Variants in TCERG1L observed in about 807,000 individuals in gnomAD.
TCERG1L encodes transcription elongation regulator 1-like protein.
Under a neutral mutation model 56.3 loss-of-function variants are expected in TCERG1L, and 37 were observed. The ratio of observed to expected loss-of-function variants is 0.66; its 90% CI spans 0.51 to 0.87. TCERG1L has a LOEUF of 0.87. Among genes scored for constraint, TCERG1L ranks in the 40% least tolerant of loss-of-function variants. TCERG1L has a pLI of 0.00. For synonymous variants in TCERG1L, 324 were observed against 326.3 expected (o/e 0.99, Z 0.08); for missense variants, 799 against 774.2 (o/e 1.03, Z -0.38).
chr10:131,096,428 A>T (rs1164455019), intron 11 of TCERG1L, among the ~76,000 whole-genome samples: 3 of 137,138 alleles, frequency 2.2e-5, no homozygotes. Flanking sequence ...TGTGATGAAG[A>T]TAATTCATGC....
At chr10:131,132,334 G>A (rs1025687380) in intron 8 of TCERG1L, among the ~76,000 whole-genome samples, 4 of 152,204 alleles carry the variant, frequency 2.6e-5, no homozygotes, top group South Asian at 2.1e-4. Flanking sequence ...CTGCCAAAAC[G>A]GAGGCAGCTC....
chr10:131,144,684 G>A (rs1845775820), intron 7 of TCERG1L, among the ~76,000 whole-genome samples: 1 of 152,140 alleles, frequency 6.6e-6, no homozygotes, highest in Non-Finnish European at 1.5e-5. Flanking sequence ...ATTTTGTAAT[G>A]TCTAAGTAGA....
At chr10:131,153,512 T>C (rs1044510243) in intron 6 of TCERG1L, among the ~76,000 whole-genome samples, 23 of 152,310 alleles carry the variant, frequency 1.5e-4, no homozygotes, top group Middle Eastern at 6.8e-3. Flanking sequence ...ATTTTCTCAT[T>C]GACTTTCTGA....
Position 131,115,751 on chromosome 10 carries a change from T to C in TCERG1L, c.1395+1048A>G, listed in dbSNP as rs147445630. 3.9e-4 allele frequency among the ~76,000 whole-genome samples: 59 copies of C among 152,208 alleles called. 1 individual carries two copies. The East Asian group carries it at 0.01, about 27-fold the overall frequency. ...TGGGTGGGACCAGCTCCTTCCTCCATAAAATTCCTAAGGGGTAGGACCTGC... is the reference window on the plus strand; with the variant it reads ...TGGGTGGGACCAGCTCCTTCCTCCACAAAATTCCTAAGGGGTAGGACCTGC... On this transcript the variant is annotated intron_variant, in intron 9 of 11. Transcript: ENST00000368642.
At chr10:131,283,968 C>G (rs955719673) in intron 3 of TCERG1L, among the ~76,000 whole-genome samples, 1 of 151,750 alleles carries the variant, frequency 6.6e-6, no homozygotes, top group African/African-American at 2.4e-5. Flanking sequence ...ACTAAAAATT[C>G]AAAAATTAGC....
At chr10:131,194,835 C>G (rs1845340353) in intron 4 of TCERG1L, among the ~76,000 whole-genome samples, 1 of 152,192 alleles carries the variant, frequency 6.6e-6, no homozygotes, top group Non-Finnish European at 1.5e-5. Flanking sequence ...CTACGGATAT[C>G]TGAGTCCCGG....
intron 3 of TCERG1L, among the ~76,000 whole-genome samples, chr10:131,301,714 CAA>C (rs960491376): frequency 2.6e-5 from 4 of 150,982 alleles, no homozygotes; most frequent in Middle Eastern, 6.8e-3. Context: ...TGAACACATT[CAA>C]AATAACCATA....
chr10:131,117,797 G>A (rs887213698), intron 8 of TCERG1L, among the ~76,000 whole-genome samples: 1 of 152,198 alleles, frequency 6.6e-6, no homozygotes, highest in Non-Finnish European at 1.5e-5. Context: ...TATTTTAACT[G>A]CACGTGGATA....
intron 4 of TCERG1L, among the ~76,000 whole-genome samples, chr10:131,183,171 C>T (rs927886878): frequency 2.0e-5 from 3 of 152,124 alleles, no homozygotes; most frequent in Non-Finnish European, 2.9e-5. Flanking sequence ...GGAGACTCAC[C>T]ATAACTATGT....
At chr10:131,197,752 A>G (rs566270591) in intron 4 of TCERG1L, among the ~76,000 whole-genome samples, 1 of 152,344 alleles carries the variant, frequency 6.6e-6, no homozygotes, top group African/African-American at 2.4e-5. Flanking sequence ...AGCATAAAAT[A>G]CAAAAGCAAA....
intron 3 of TCERG1L, among the ~76,000 whole-genome samples, chr10:131,301,837 A>T (rs776472622): frequency 1.3e-5 from 2 of 152,160 alleles, no homozygotes; most frequent in Admixed American, 6.5e-5. Flanking sequence ...TAACAATTAC[A>T]GATAAATATA....
chr10:131,143,675 G>A (rs539535526), intron 7 of TCERG1L, among the ~76,000 whole-genome samples: 2 of 152,256 alleles, frequency 1.3e-5, no homozygotes, highest in East Asian at 1.9e-4. Context: ...TGGGAAACGC[G>A]GGCACGGGTG....
intron 9 of TCERG1L, among the ~76,000 whole-genome samples, chr10:131,115,876 AG>A (rs1845455168): frequency 6.6e-6 from 1 of 152,198 alleles, no homozygotes; most frequent in Admixed American, 6.5e-5. Context: ...TCTGTTCTGC[AG>A]GGAGCTGGGT....
chr10:131,130,740 C>T (rs549554465), intron 8 of TCERG1L, among the ~76,000 whole-genome samples: 11 of 152,270 alleles, frequency 7.2e-5, no homozygotes, highest in African/African-American at 2.4e-4. Context: ...AAATATCTGA[C>T]AACCAGCCTT....
At chr10:131,096,664 G>A (rs1215704283) in intron 11 of TCERG1L, among the ~76,000 whole-genome samples, 2 of 152,176 alleles carry the variant, frequency 1.3e-5, no homozygotes, top group Non-Finnish European at 2.9e-5. Context: ...ACTTTGGGAG[G>A]CCAAGGCGGG....
At chr10:131,207,930 G>A (rs1039666195) in intron 4 of TCERG1L, among the ~76,000 whole-genome samples, 8 of 152,258 alleles carry the variant, frequency 5.3e-5, no homozygotes, top group Non-Finnish European at 1.2e-4. Flanking sequence ...GGCTCCAGGC[G>A]GCTTCAGGGA....
At chr10:131,228,627 T>G (rs1174987225) in intron 4 of TCERG1L, among the ~76,000 whole-genome samples, 1 of 64,292 alleles carries the variant, frequency 1.6e-5, no homozygotes, top group Non-Finnish European at 3.1e-5. Flanking sequence ...GCCTCCGGAG[T>G]CTCCCCTCCA....
At chr10:131,170,922 C>A (rs1283533718) in intron 4 of TCERG1L, among the ~76,000 whole-genome samples, 1 of 152,048 alleles carries the variant, frequency 6.6e-6, no homozygotes. Flanking sequence ...CCGAGGTGGG[C>A]GGATCACGAG....
intron 4 of TCERG1L, among the ~76,000 whole-genome samples, chr10:131,212,681 A>G (rs1324197002): frequency 6.6e-6 from 1 of 152,240 alleles, no homozygotes; most frequent in African/African-American, 2.4e-5. Context: ...CAAAATTCTC[A>G]ATTCAACCTG....
Sources: gnomAD v4.1 joint callset for allele counts (sites outside exome capture counted in the v4.1 genomes callset) on GRCh38, gnomAD v4.1.1 for gene constraint, MANE v1.5 for transcripts, NCBI Gene and HGNC (gene_info 2026-07-23, HGNC 2026-07-21) for gene names.